The following ZDHHC15 variants were observed in gnomAD, a reference collection of about 807,000 sequenced individuals.
ZDHHC15 encodes the protein palmitoyltransferase ZDHHC15.
In ZDHHC15, 19 loss-of-function variants were observed where a neutral mutation model predicts 31.7. That is an observed-to-expected ratio of 0.60 (90% CI 0.42 to 0.88). The LOEUF (loss-of-function observed/expected upper bound fraction) is 0.88. Among genes scored for constraint, ZDHHC15 ranks in the 40% least tolerant of loss-of-function variants. The probability of loss-of-function intolerance (pLI) is 0.00; values close to 1 mark genes in which losing one functional copy is unlikely to be tolerated. For missense variants in ZDHHC15, 209 were observed against 251.2 expected (o/e 0.83, Z 1.14); for synonymous variants, 103 against 90.0 (o/e 1.14, Z -0.82).
chrX:75,379,675 G>T (rs971432907), intron 10 of ZDHHC15, among the ~76,000 whole-genome samples: 1 of 112,165 alleles, frequency 8.9e-6, no homozygotes, highest in Non-Finnish European at 1.9e-5. Context: ...AAATGTTTTT[G>T]TTTCTGACCT....
intron 8 of ZDHHC15, among the ~76,000 whole-genome samples, chrX:75,422,481 T>A (rs2083658294): frequency 8.9e-6 from 1 of 112,030 alleles, no homozygotes; most frequent in Admixed American, 9.5e-5. Context: ...AAGCCTGCAG[T>A]GTAAGAAACT....
chrX:75,417,062 C>G, intron 10 of ZDHHC15, 25 bp downstream of exon 10: 1 of 1,128,122 alleles, frequency 8.9e-7, no homozygotes, highest in Non-Finnish European at 1.2e-6. Context: ...TTAATGTGGA[C>G]TTCATAGTCT....
chrX:75,491,644 A>G (rs2084895863), intron 2 of ZDHHC15, among the ~76,000 whole-genome samples: 1 of 111,002 alleles, frequency 9.0e-6, no homozygotes, highest in Non-Finnish European at 1.9e-5. Flanking sequence ...AATAAAAGAA[A>G]AAAAAGAAAA....
At chrX:75,450,725 G>C in intron 4 of ZDHHC15, 77 bp downstream of exon 4, 1 of 1,208,032 alleles carries the variant, frequency 8.3e-7, no homozygotes, top group Non-Finnish European at 1.1e-6. Flanking sequence ...AAAAGGGCTA[G>C]TTTGAGAACA....
chrX:75,487,485 G>A (rs1169287592), intron 2 of ZDHHC15, among the ~76,000 whole-genome samples: 1 of 112,024 alleles, frequency 8.9e-6, no homozygotes, highest in Admixed American at 9.5e-5. Flanking sequence ...AAGAAGGAGA[G>A]CACCACATCA....
chrX:75,494,321 G>A (rs768475201), intron 2 of ZDHHC15, among the ~76,000 whole-genome samples: 144 of 111,486 alleles, frequency 1.3e-3, no homozygotes, highest in African/African-American at 4.4e-3. Context: ...ATGCTCATGG[G>A]TACGAAGAAT....
At chrX:75,518,171 G>A (rs1334253902) in intron 1 of ZDHHC15, among the ~76,000 whole-genome samples, 1 of 111,413 alleles carries the variant, frequency 9.0e-6, no homozygotes, top group Non-Finnish European at 1.9e-5. Flanking sequence ...AAATCTTTGT[G>A]TATAAAATGA....
chrX:75,483,013 A>G (rs1397098008), intron 2 of ZDHHC15, among the ~76,000 whole-genome samples: 1 of 105,568 alleles, frequency 9.5e-6, no homozygotes, highest in Non-Finnish European at 1.9e-5. Context: ...ATATATATAT[A>G]TATGTATATA....
chrX:75,401,958 C>T (rs2083363168), intron 10 of ZDHHC15, among the ~76,000 whole-genome samples: 2 of 112,427 alleles, frequency 1.8e-5, no homozygotes, highest in Non-Finnish European at 3.8e-5. Context: ...TGCCACATGG[C>T]ACATACTCTA....
intron 10 of ZDHHC15, among the ~76,000 whole-genome samples, chrX:75,390,385 T>C (rs774915809): frequency 9.0e-6 from 1 of 111,679 alleles, no homozygotes; most frequent in Non-Finnish European, 1.9e-5. Flanking sequence ...GTAGTTATGA[T>C]GGGTCTTGGG....
chrX:75,400,668 G>C (rs2083346623), intron 10 of ZDHHC15, among the ~76,000 whole-genome samples: 1 of 111,623 alleles, frequency 9.0e-6, no homozygotes, highest in African/African-American at 3.3e-5. Context: ...TCATTTCTAA[G>C]ACACATAATC....
At chrX:75,412,176 G>T in intron 10 of ZDHHC15, among the ~76,000 whole-genome samples, 1 of 111,794 alleles carries the variant, frequency 8.9e-6, no homozygotes, top group Middle Eastern at 4.6e-3. Context: ...TTGTTGAGGG[G>T]ATTTGAATTG....
At chrX:75,406,192 C>T (rs1207639486) in intron 10 of ZDHHC15, among the ~76,000 whole-genome samples, 1 of 110,458 alleles carries the variant, frequency 9.1e-6, no homozygotes, top group African/African-American at 3.3e-5. Flanking sequence ...ATCTATAGGA[C>T]ACAGCAAAGC....
At chrX:75,373,475 G>C (rs922921270) in intron 11 of ZDHHC15, among the ~76,000 whole-genome samples, 1 of 110,588 alleles carries the variant, frequency 9.0e-6, no homozygotes, top group Admixed American at 9.7e-5. Flanking sequence ...CCCTCAAGTA[G>C]CTATTTGTTT....
chrX:75,452,327 C>G (rs1453963425), intron 3 of ZDHHC15, among the ~76,000 whole-genome samples: 1 of 110,698 alleles, frequency 9.0e-6, no homozygotes, highest in African/African-American at 3.3e-5. Context: ...ATCAATTCAA[C>G]AAGAAGAGCT....
At chrX:75,405,119 A>G (rs1161657517) in intron 10 of ZDHHC15, among the ~76,000 whole-genome samples, 1 of 111,903 alleles carries the variant, frequency 8.9e-6, no homozygotes, top group Non-Finnish European at 1.9e-5. Flanking sequence ...TAGCAAACTA[A>G]CTGAGGAACA....
At chrX:75,425,450 A>T (rs1421635178) in intron 7 of ZDHHC15, among the ~76,000 whole-genome samples, 3 of 112,159 alleles carry the variant, frequency 2.7e-5, no homozygotes, top group Non-Finnish European at 5.6e-5. Context: ...TTTTATAGTT[A>T]TCTAGGACAT....
chrX:75,517,332 C>G (rs2085373286), intron 1 of ZDHHC15, among the ~76,000 whole-genome samples: 1 of 110,587 alleles, frequency 9.0e-6, no homozygotes, highest in African/African-American at 3.3e-5. Flanking sequence ...GACTTGGAAC[C>G]AACCCAAATG....
intron 2 of ZDHHC15, among the ~76,000 whole-genome samples, chrX:75,492,565 A>G (rs2084916827): frequency 8.9e-6 from 1 of 111,841 alleles, no homozygotes; most frequent in Admixed American, 9.6e-5. Flanking sequence ...AAAGAACAGA[A>G]ATTATAACAA....
Sources: allele counts gnomAD v4.1 joint callset (sites outside exome capture counted in the v4.1 genomes callset), GRCh38; gene constraint gnomAD v4.1.1; transcripts MANE v1.5; gene names NCBI Gene and HGNC (gene_info 2026-07-23, HGNC 2026-07-21).